SNTG2: variants seen among roughly 807,000 people sequenced by gnomAD.
SNTG2 encodes gamma-2-syntrophin.
A neutral mutation model predicts 70.9 loss-of-function variants in SNTG2; 74 were observed. That is an observed-to-expected ratio of 1.04 (90% CI 0.86 to 1.27). The LOEUF (loss-of-function observed/expected upper bound fraction) is 1.27, where lower values mean the gene tolerates loss of function less well. SNTG2 is among the 50% of genes most tolerant of loss of function. The pLI is 0.00. For synonymous variants in SNTG2, 278 were observed against 273.8 expected (o/e 1.02, Z -0.15); for missense variants, 717 against 690.7 (o/e 1.04, Z -0.43).
At chr2:1,257,769 G>A (rs1038053825) in intron 12 of SNTG2, among the ~76,000 whole-genome samples, 8 of 152,122 alleles carry the variant, frequency 5.3e-5, no homozygotes, top group East Asian at 3.8e-4. Flanking sequence ...TACAAAAACC[G>A]TAACTCCACA....
At chr2:1,121,736 A>T (rs938300987) in intron 4 of SNTG2, among the ~76,000 whole-genome samples, 4 of 152,190 alleles carry the variant, frequency 2.6e-5, no homozygotes, top group African/African-American at 9.7e-5. Flanking sequence ...CCCACTCAGT[A>T]TCATGAGAAC....
intron 1 of SNTG2, among the ~76,000 whole-genome samples, chr2:1,046,895 C>T (rs776749335): frequency 2.0e-5 from 3 of 151,996 alleles, no homozygotes; most frequent in Admixed American, 6.6e-5. Context: ...TAAATTTGAA[C>T]GTTGACCTTT....
intron 1 of SNTG2, among the ~76,000 whole-genome samples, chr2:1,058,299 A>G (rs997534028): frequency 2.6e-5 from 4 of 152,194 alleles, no homozygotes; most frequent in Non-Finnish European, 5.9e-5. Flanking sequence ...TGTCCACAGC[A>G]TGTGGTAAAA....
At chr2:1,341,846 CTTTTT>C (rs368695045) in intron 16 of SNTG2, 29,054 of 137,244 alleles carry the variant, frequency 0.21, 3,411 homozygotes, top group African/African-American at 0.35. Flanking sequence ...ATTTTTATCG[CTTTTT>C]TTTTTTTTTT....
chr2:1,211,460 G>C (rs778034493), intron 9 of SNTG2, among the ~76,000 whole-genome samples: 9 of 152,156 alleles, frequency 5.9e-5, no homozygotes, highest in Non-Finnish European at 1.2e-4. Context: ...TCTGAGGACA[G>C]GATAGGGTCT....
chr2:1,082,796 C>T (rs552270306), intron 1 of SNTG2, among the ~76,000 whole-genome samples: 66 of 152,370 alleles, frequency 4.3e-4, no homozygotes, highest in African/African-American at 1.4e-3. Flanking sequence ...CTGACTCTCC[C>T]GGAGGAGGAG....
chr2:1,294,740 G>A (rs1680130185), intron 14 of SNTG2, among the ~76,000 whole-genome samples: 1 of 151,582 alleles, frequency 6.6e-6, no homozygotes, highest in Non-Finnish European at 1.5e-5. Context: ...AACATATGAT[G>A]AGAAATTATT....
intron 8 of SNTG2, among the ~76,000 whole-genome samples, chr2:1,206,663 G>T (rs1044742458): frequency 6.6e-6 from 1 of 152,114 alleles, no homozygotes; most frequent in Non-Finnish European, 1.5e-5. Context: ...CAAGTGAAAA[G>T]CGTCCTATGA....
At chr2:1,290,155 G>A (rs1679930662) in intron 14 of SNTG2, among the ~76,000 whole-genome samples, 1 of 152,118 alleles carries the variant, frequency 6.6e-6, no homozygotes, top group South Asian at 2.1e-4. Flanking sequence ...TATTTATGAA[G>A]AAAAGTGGTT....
intron 1 of SNTG2, among the ~76,000 whole-genome samples, chr2:964,931 C>T (rs1660482901): frequency 6.6e-6 from 1 of 152,098 alleles, no homozygotes; most frequent in South Asian, 2.1e-4. Context: ...CCTGTTGGCC[C>T]TGGGGCTCCT....
intron 1 of SNTG2, among the ~76,000 whole-genome samples, chr2:994,774 C>T (rs555910101): frequency 2.0e-5 from 3 of 151,816 alleles, no homozygotes; most frequent in African/African-American, 7.2e-5. Context: ...CAGAGTTTTG[C>T]ATTTCTCTTA....
At chr2:1,088,331 C>G (rs1228839243) in intron 2 of SNTG2, among the ~76,000 whole-genome samples, 1 of 152,214 alleles carries the variant, frequency 6.6e-6, no homozygotes, top group Non-Finnish European at 1.5e-5. Context: ...AAACCAGTTT[C>G]TGTGTGCTTC....
At chr2:1,329,467 G>C (rs1437897618) in intron 16 of SNTG2, among the ~76,000 whole-genome samples, 1 of 152,182 alleles carries the variant, frequency 6.6e-6, no homozygotes. Flanking sequence ...TCCAGGGTCA[G>C]CTTGAGAAAG....
Position 1,359,618 on chromosome 2 carries a change from G to A in SNTG2, c.1489-7725G>A, listed in dbSNP as rs80099289. Among the ~76,000 whole-genome samples, 18 of 152,154 alleles carry A rather than the reference G, an allele frequency of 1.2e-4. No homozygotes were observed. In the East Asian group the frequency reaches 3.5e-3, roughly 29 times the overall value. On this transcript the variant is annotated intron_variant, in intron 16 of 16. Coordinates refer to ENST00000308624, the MANE Select transcript of SNTG2 (RefSeq NM_018968.4). ...GTTAGGTCTCAATGTTTTTGTTGTT[G>A]TCTATTTCACCACTCTAATTTCTGT...
chr2:1,274,823 C>T (rs1679205250), intron 14 of SNTG2, among the ~76,000 whole-genome samples: 2 of 152,124 alleles, frequency 1.3e-5, no homozygotes, highest in Non-Finnish European at 2.9e-5. Flanking sequence ...CACAAAGGCT[C>T]AGTGGGAGAG....
At chr2:1,039,770 G>T (rs1661330071) in intron 1 of SNTG2, among the ~76,000 whole-genome samples, 1 of 152,162 alleles carries the variant, frequency 6.6e-6, no homozygotes, top group South Asian at 2.1e-4. Flanking sequence ...AAGCTGTGCA[G>T]CTGCTCCTAA....
chr2:1,313,054 T>G (rs1681086050), intron 15 of SNTG2, among the ~76,000 whole-genome samples: 1 of 152,136 alleles, frequency 6.6e-6, no homozygotes, highest in African/African-American at 2.4e-5. Flanking sequence ...CCGTGAAGGA[T>G]TCAAGGATTA....
At chr2:1,321,550 G>T (rs1471100284) in intron 16 of SNTG2, among the ~76,000 whole-genome samples, 2 of 152,120 alleles carry the variant, frequency 1.3e-5, no homozygotes, top group African/African-American at 2.4e-5. Context: ...CTTGGCAGGA[G>T]CACCGATCGA....
At chr2:1,031,528 A>ATATATATATATATATT in intron 1 of SNTG2, among the ~76,000 whole-genome samples, 3 of 59,122 alleles carry the variant, frequency 5.1e-5, no homozygotes, top group African/African-American at 2.5e-4. Flanking sequence ...ATATATATAT[A>ATATATATATATATATT]TTTTTTTTTT....
Sources: allele counts gnomAD v4.1 joint callset (sites outside exome capture counted in the v4.1 genomes callset), GRCh38; gene constraint gnomAD v4.1.1; transcripts MANE v1.5; gene names NCBI Gene and HGNC (gene_info 2026-07-23, HGNC 2026-07-21).